CTIF: variants seen among roughly 807,000 people sequenced by gnomAD.
CTIF encodes the protein cap binding complex dependent translation initiation factor.
Under a neutral mutation model 66.0 loss-of-function variants are expected in CTIF, and 21 were observed. That is an observed-to-expected ratio of 0.32 (90% CI 0.23 to 0.46). The LOEUF (loss-of-function observed/expected upper bound fraction) is 0.46. CTIF is among the 20% of genes least tolerant of loss of function. The probability of loss-of-function intolerance (pLI) is 1.00; values close to 1 mark genes in which losing one functional copy is unlikely to be tolerated. For missense variants in CTIF, 739 were observed against 812.7 expected (o/e 0.91, Z 1.10); for synonymous variants, 345 against 326.4 (o/e 1.06, Z -0.62).
At chr18:48,800,958 G>A (rs1166974868) in intron 9 of CTIF, among the ~76,000 whole-genome samples, 1 of 152,238 alleles carries the variant, frequency 6.6e-6, no homozygotes, top group Non-Finnish European at 1.5e-5. Context: ...TGGGATCCAG[G>A]AGCTTTGAGT....
Position 48,619,757 on chromosome 18 carries a change from C to A in CTIF, c.180+12C>A. On this transcript the variant is annotated intron_variant, in intron 2 of 11. Coordinates refer to ENST00000256413, the MANE Select transcript of CTIF (RefSeq NM_014772.3). ...CCCACATCTCCCAGGTGAGCGCGGGCCCGGGGTTGGGGCAGCTTGGGAAAT... is the reference window on the plus strand; with the variant it reads ...CCCACATCTCCCAGGTGAGCGCGGGACCGGGGTTGGGGCAGCTTGGGAAAT... 1 of 1,544,896 alleles carries A rather than the reference C, an allele frequency of 6.5e-7. No homozygotes were observed. Among genetic ancestry groups the A allele is most frequent in the Admixed American group, 2.0e-5 (1 of 50,884 alleles).
At chr18:48,540,742 G>C (rs2088590904) in intron 1 of CTIF, among the ~76,000 whole-genome samples, 1 of 152,122 alleles carries the variant, frequency 6.6e-6, no homozygotes, top group Non-Finnish European at 1.5e-5. Context: ...GTGGGGGGCG[G>C]GGACCGCAGA....
chr18:48,541,459 C>T (rs2088618737), intron 1 of CTIF, among the ~76,000 whole-genome samples: 1 of 152,250 alleles, frequency 6.6e-6, no homozygotes, highest in African/African-American at 2.4e-5. Context: ...CTGTCCGTTC[C>T]CAGTTCCTCC....
At chr18:48,582,879 C>A (rs1387260947) in intron 1 of CTIF, among the ~76,000 whole-genome samples, 1 of 152,166 alleles carries the variant, frequency 6.6e-6, no homozygotes, top group East Asian at 1.9e-4. Context: ...CTGGACTGAA[C>A]CCCCAGCACA....
chr18:48,826,860 C>T (rs1464225323), intron 10 of CTIF: 1 of 152,200 alleles, frequency 6.6e-6, no homozygotes, highest in African/African-American at 2.4e-5. Context: ...TGAAATTAAG[C>T]AGCCATGAAC....
chr18:48,774,967 A>T (rs79101742), intron 9 of CTIF, among the ~76,000 whole-genome samples: 1 of 33,782 alleles, frequency 3.0e-5, no homozygotes, highest in Non-Finnish European at 6.4e-5. Context: ...TCTGAGTATT[A>T]AAAAAAAAAA....
At chr18:48,603,074 G>A (rs2090125985) in intron 1 of CTIF, among the ~76,000 whole-genome samples, 2 of 151,528 alleles carry the variant, frequency 1.3e-5, no homozygotes, top group African/African-American at 4.8e-5. Context: ...TGGGTGGATG[G>A]ATGGATGGAT....
intron 10 of CTIF, among the ~76,000 whole-genome samples, chr18:48,847,328 T>G (rs976853648): frequency 6.9e-6 from 1 of 145,938 alleles, no homozygotes; most frequent in African/African-American, 2.6e-5. Flanking sequence ...AAAAAAAAAA[T>G]TATGAGCTCC....
At chr18:48,808,494 C>G (rs1206615270) in intron 9 of CTIF, among the ~76,000 whole-genome samples, 2 of 146,158 alleles carry the variant, frequency 1.4e-5, no homozygotes, top group African/African-American at 5.0e-5. Flanking sequence ...AATACTCTTT[C>G]ATTCTCTTCA....
chr18:48,581,778 G>A (rs531828742), intron 1 of CTIF, among the ~76,000 whole-genome samples: 2 of 152,294 alleles, frequency 1.3e-5, no homozygotes, highest in South Asian at 4.1e-4. Flanking sequence ...CCAGGGAGGT[G>A]TTATTATCGG....
At chr18:48,618,217 G>A (rs2090432332) in intron 1 of CTIF, among the ~76,000 whole-genome samples, 2 of 152,214 alleles carry the variant, frequency 1.3e-5, no homozygotes, top group African/African-American at 4.8e-5. Flanking sequence ...GAAGTTCTCA[G>A]GGTTAAGGTT....
intron 7 of CTIF, among the ~76,000 whole-genome samples, chr18:48,745,381 T>C (rs888339265): frequency 6.6e-6 from 1 of 152,276 alleles, no homozygotes; most frequent in African/African-American, 2.4e-5. Flanking sequence ...TTCTCCACTG[T>C]AAAGTTACAA....
intron 7 of CTIF, among the ~76,000 whole-genome samples, chr18:48,716,026 C>A (rs2092278088): frequency 6.6e-6 from 1 of 152,182 alleles, no homozygotes; most frequent in Non-Finnish European, 1.5e-5. Flanking sequence ...TTGCCCAGAG[C>A]AGTTGTCCTA....
At chr18:48,633,743 A>G (rs977329912) in intron 2 of CTIF, among the ~76,000 whole-genome samples, 1 of 152,030 alleles carries the variant, frequency 6.6e-6, no homozygotes, top group Non-Finnish European at 1.5e-5. Flanking sequence ...AAATAAATGT[A>G]CATATATACT....
chr18:48,594,097 A>G (rs751461277), intron 1 of CTIF, among the ~76,000 whole-genome samples: 4 of 136,280 alleles, frequency 2.9e-5, no homozygotes, highest in South Asian at 2.7e-4. Flanking sequence ...CCACTCCTGC[A>G]ATGTGCAGCA....
chr18:48,814,352 C>G (rs2068319409), intron 9 of CTIF, among the ~76,000 whole-genome samples: 1 of 152,178 alleles, frequency 6.6e-6, no homozygotes, highest in Admixed American at 6.5e-5. Context: ...CCCACCCTGA[C>G]CAGTTACACA....
chr18:48,764,109 C>A (rs1433504178), intron 9 of CTIF, among the ~76,000 whole-genome samples: 1 of 152,160 alleles, frequency 6.6e-6, no homozygotes, highest in African/African-American at 2.4e-5. Context: ...TCTGAGCATG[C>A]ACCTCCCCCT....
chr18:48,612,709 C>T lies in CTIF; in HGVS notation c.-28-6829C>T, dbSNP rs368756628. ...GCTCCGATGCCACCTCCACTGCAGACTTGCTGTTCTGCTGGGACGAGTGGA... is the reference window on the plus strand; with the variant it reads ...GCTCCGATGCCACCTCCACTGCAGATTTGCTGTTCTGCTGGGACGAGTGGA... On this transcript the variant is annotated intron_variant, in intron 1 of 11. Coordinates refer to ENST00000256413, the MANE Select transcript of CTIF (RefSeq NM_014772.3). Among the ~76,000 whole-genome samples, 67 of 152,340 alleles carry T rather than the reference C, an allele frequency of 4.4e-4. No homozygotes were observed. In the South Asian group the frequency reaches 6.8e-3, roughly 16 times the overall value.
At chr18:48,600,720 G>A (rs1365116947) in intron 1 of CTIF, among the ~76,000 whole-genome samples, 1 of 152,160 alleles carries the variant, frequency 6.6e-6, no homozygotes, top group African/African-American at 2.4e-5. Context: ...AGACTGGAAT[G>A]CTGGGGTTTT....
Sources: gnomAD v4.1 joint callset for allele counts (sites outside exome capture counted in the v4.1 genomes callset) on GRCh38, gnomAD v4.1.1 for gene constraint, MANE v1.5 for transcripts, NCBI Gene and HGNC (gene_info 2026-07-23, HGNC 2026-07-21) for gene names.